The following ADGRL3 variants were observed in gnomAD, a reference collection of about 807,000 sequenced individuals.
ADGRL3 encodes the protein adhesion G protein-coupled receptor L3, also known as calcium-independent alpha-latrotoxin receptor 3.
A neutral mutation model predicts 153.5 loss-of-function variants in ADGRL3; 62 were observed. That is an observed-to-expected ratio of 0.40 (90% CI 0.33 to 0.50). The LOEUF (loss-of-function observed/expected upper bound fraction) is 0.50. Ranked by LOEUF, ADGRL3 falls within the 20% of genes least tolerant of loss-of-function variation. ADGRL3 has a pLI of 0.47. For missense variants in ADGRL3, 1,641 were observed against 1,859.4 expected, an observed-to-expected ratio of 0.88 and a Z score of 2.16; for synonymous variants, 710 against 672.5, an observed-to-expected ratio of 1.06 and a Z score of -0.86.
chr4:62,007,441 CACACACATATATAT>C (rs2099165070), intron 21 of ADGRL3, among the ~76,000 whole-genome samples: 1 of 91,806 alleles, frequency 1.1e-5, no homozygotes, highest in Admixed American at 1.2e-4. Flanking sequence ...TATATATATA[CACACACATATATAT>C]ACATATATGT....
chr4:61,810,609 A>C (rs762242431), intron 8 of ADGRL3, among the ~76,000 whole-genome samples: 5 of 152,168 alleles, frequency 3.3e-5, no homozygotes, highest in Non-Finnish European at 1.5e-5. Context: ...ATTAAATGAA[A>C]GTTGGAAAAG....
chr4:61,777,111 G>T (rs959844899), intron 8 of ADGRL3, among the ~76,000 whole-genome samples: 5 of 152,120 alleles, frequency 3.3e-5, no homozygotes, highest in African/African-American at 1.2e-4. Flanking sequence ...GAGGTGGGTG[G>T]ATCATGAGGT....
chr4:61,205,626 C>T (rs1157773086), intron 1 of ADGRL3, among the ~76,000 whole-genome samples: 2 of 152,124 alleles, frequency 1.3e-5, no homozygotes, highest in Non-Finnish European at 2.9e-5. Context: ...CATGCGAATG[C>T]ATTTCTTCAT....
chr4:61,813,162 A>G (rs1301617091), intron 8 of ADGRL3, among the ~76,000 whole-genome samples: 1 of 152,140 alleles, frequency 6.6e-6, no homozygotes, highest in Non-Finnish European at 1.5e-5. Context: ...TGGGAGGCCA[A>G]GGCGAGTGGA....
Position 61,983,364 on chromosome 4 carries a change from C to A in ADGRL3, c.3016-19C>A. ...CCATGTGGTAGAGATTTGACTAAAT[C>A]ATTTGTTCCTTTTCCTAGATTGCCT... On this transcript the variant is annotated intron_variant, in intron 18 of 26. Coordinates refer to ENST00000683033, the MANE Select transcript of ADGRL3 (RefSeq NM_001387552.1). The A allele has an allele frequency of 1.9e-6, 3 of 1,601,598 alleles. No homozygotes were observed. The highest frequency in any genetic ancestry group is 2.2e-5 in the South Asian group (2 of 90,630).
rs554706757 is a variant in ADGRL3 at position 61,308,571 on chromosome 4, G to A, written c.-239-74553G>A. 8.5e-5 allele frequency among the ~76,000 whole-genome samples: 13 copies of A among 152,200 alleles called. No individual in the cohort carries two copies. The South Asian group carries it at 1.5e-3, about 17-fold the overall frequency. On this transcript the variant is annotated intron_variant, in intron 1 of 26. Transcript: ENST00000683033. ...TAGTGTGTTAACTCAGTCTGGCACCGTAACTGCATCTGAAATTCACAATAA... is the reference window on the plus strand; with the variant it reads ...TAGTGTGTTAACTCAGTCTGGCACCATAACTGCATCTGAAATTCACAATAA...
chr4:61,500,300 T>C (rs2098373025), intron 3 of ADGRL3, among the ~76,000 whole-genome samples: 2 of 152,188 alleles, frequency 1.3e-5, no homozygotes, highest in African/African-American at 4.8e-5. Flanking sequence ...CCTGAGAAAA[T>C]ACAAGTTGGT....
intron 2 of ADGRL3, among the ~76,000 whole-genome samples, chr4:61,482,568 G>A (rs1358402567): frequency 6.6e-6 from 1 of 152,088 alleles, no homozygotes; most frequent in African/African-American, 2.4e-5. Flanking sequence ...ACAAAGAAAT[G>A]ATTTATTTAC....
intron 21 of ADGRL3, among the ~76,000 whole-genome samples, chr4:62,015,359 C>T (rs1216912496): frequency 6.6e-6 from 1 of 152,184 alleles, no homozygotes; most frequent in Non-Finnish European, 1.5e-5. Flanking sequence ...CAAAAACCCT[C>T]TTTGTTCCGC....
chr4:61,671,560 T>C (rs1161545121), intron 5 of ADGRL3, among the ~76,000 whole-genome samples: 1 of 152,202 alleles, frequency 6.6e-6, no homozygotes, highest in East Asian at 1.9e-4. Context: ...GAAAAGTCTA[T>C]ATATAAATAA....
At chr4:61,437,804 T>C (rs2152450416) in intron 2 of ADGRL3, among the ~76,000 whole-genome samples, 1 of 152,246 alleles carries the variant, frequency 6.6e-6, no homozygotes, top group Non-Finnish European at 1.5e-5. Context: ...CATACTTAAC[T>C]CATGTTGTTT....
At chr4:61,382,020 A>G (rs993006371) in intron 1 of ADGRL3, among the ~76,000 whole-genome samples, 9 of 151,920 alleles carry the variant, frequency 5.9e-5, no homozygotes, top group Non-Finnish European at 1.2e-4. Flanking sequence ...AATAGCTTTC[A>G]CTAATTTGTT....
At chr4:61,233,400 C>A (rs534909488) in intron 1 of ADGRL3, among the ~76,000 whole-genome samples, 3 of 151,748 alleles carry the variant, frequency 2.0e-5, no homozygotes, top group Non-Finnish European at 4.4e-5. Context: ...TTTTTCTCTT[C>A]TTTCTGCCTT....
chr4:61,845,809 A>C (rs2098110648), intron 9 of ADGRL3, among the ~76,000 whole-genome samples: 1 of 152,160 alleles, frequency 6.6e-6, no homozygotes, highest in African/African-American at 2.4e-5. Context: ...AAAATCAGAA[A>C]TTAATAGGAA....
intron 2 of ADGRL3, among the ~76,000 whole-genome samples, chr4:61,494,436 A>C (rs1382814025): frequency 6.6e-6 from 1 of 152,194 alleles, no homozygotes; most frequent in Non-Finnish European, 1.5e-5. Context: ...TTGTTCATGA[A>C]TCTGACAATT....
chr4:61,621,304 A>T (rs1005403707), intron 5 of ADGRL3, among the ~76,000 whole-genome samples: 1 of 152,094 alleles, frequency 6.6e-6, no homozygotes, highest in African/African-American at 2.4e-5. Context: ...CACAGATAAA[A>T]TTTTTGTCTT....
chr4:61,299,246 A>G (rs1052508608), intron 1 of ADGRL3, among the ~76,000 whole-genome samples: 2 of 152,136 alleles, frequency 1.3e-5, no homozygotes, highest in Non-Finnish European at 2.9e-5. Flanking sequence ...CAAGCAAAGC[A>G]TAAGTACAAA....
At chr4:62,044,691 A>G (rs1730165360) in intron 25 of ADGRL3, 142 bp downstream of exon 25, 1 of 530,484 alleles carries the variant, frequency 1.9e-6, no homozygotes, top group Non-Finnish European at 3.3e-6. Context: ...TGAGTGTAGC[A>G]ATGTGTTCCA....
intron 9 of ADGRL3, among the ~76,000 whole-genome samples, chr4:61,827,155 T>G (rs2097815379): frequency 6.6e-6 from 1 of 152,212 alleles, no homozygotes; most frequent in Non-Finnish European, 1.5e-5. Context: ...ATAAATACCC[T>G]GGGGTTAAAG....
Sources: allele counts gnomAD v4.1 joint callset (sites outside exome capture counted in the v4.1 genomes callset), GRCh38; gene constraint gnomAD v4.1.1; transcripts MANE v1.5; gene names NCBI Gene and HGNC (gene_info 2026-07-23, HGNC 2026-07-21).